The following AFF1 variants were observed in gnomAD, a reference collection of about 807,000 sequenced individuals.
AFF1 encodes ALF transcription elongation factor 1.
In AFF1, 48 loss-of-function variants were observed where a neutral mutation model predicts 121.7. That is an observed-to-expected ratio of 0.39 (90% CI 0.31 to 0.50). AFF1 has a LOEUF of 0.50. AFF1 is among the 20% of genes least tolerant of loss of function. AFF1 has a pLI of 0.76. For missense variants in AFF1, 1,523 were observed against 1,511.7 expected (o/e 1.01, Z -0.12); for synonymous variants, 613 against 563.0 (o/e 1.09, Z -1.26).
At chr4:87,040,564 CT>C (rs368321249) in intron 2 of AFF1, among the ~76,000 whole-genome samples, 7,134 of 142,272 alleles carry the variant, frequency 0.05, 500 homozygotes, top group African/African-American at 0.16. Context: ...TCCCCTCACC[CT>C]TTTTTTTTTT....
At chr4:86,997,642 G>A (rs369904908) in intron 2 of AFF1, among the ~76,000 whole-genome samples, 2 of 151,760 alleles carry the variant, frequency 1.3e-5, no homozygotes, top group Middle Eastern at 3.2e-3. Context: ...GGCGCCTGTA[G>A]TCCCAGCTAC....
At chr4:87,102,018 G>A (rs574775073) in intron 8 of AFF1, among the ~76,000 whole-genome samples, 9 of 152,354 alleles carry the variant, frequency 5.9e-5, no homozygotes, top group East Asian at 3.9e-4. Context: ...TCACTGCAGC[G>A]TGTCTGCCAG....
At chr4:87,022,624 ATATATATGTGCGTG>A (rs1415212377) in intron 2 of AFF1, among the ~76,000 whole-genome samples, 7 of 139,244 alleles carry the variant, frequency 5.0e-5, no homozygotes, top group African/African-American at 7.8e-5. Context: ...CTGTGTGTGT[ATATATATGTGCGTG>A]TATATATGTG....
chr4:87,089,844 T>A, intron 5 of AFF1, 140 bp from the exon 6 acceptor site: 1 of 640,164 alleles, frequency 1.6e-6, no homozygotes. Flanking sequence ...GAGTTGTTTT[T>A]TTTAAGTACA....
At chr4:87,059,481 C>T (rs1238923843) in intron 4 of AFF1, among the ~76,000 whole-genome samples, 2 of 152,200 alleles carry the variant, frequency 1.3e-5, no homozygotes, top group East Asian at 3.9e-4. Flanking sequence ...TTTTTACCGT[C>T]TTTCTTGAAC....
chr4:87,132,182 G>A (rs1313901712), intron 18 of AFF1, 89 bp from the exon 19 acceptor site: 13 of 1,473,916 alleles, frequency 8.8e-6, no homozygotes, highest in East Asian at 2.3e-5. Flanking sequence ...AGGCAAACCC[G>A]GTGTGTTCAT....
intron 4 of AFF1, among the ~76,000 whole-genome samples, chr4:87,075,362 A>G (rs989366855): frequency 2.0e-5 from 3 of 152,180 alleles, no homozygotes; most frequent in Non-Finnish European, 2.9e-5. Flanking sequence ...ATTCACTTAT[A>G]TGTACACATA....
chr4:87,034,829 A>T (rs562973924), intron 2 of AFF1, among the ~76,000 whole-genome samples: 1 of 151,804 alleles, frequency 6.6e-6, no homozygotes, highest in Non-Finnish European at 1.5e-5. Flanking sequence ...TTGTCGTTAG[A>T]TAATAAATAG....
chr4:86,968,264 T>G (rs1270814085), intron 2 of AFF1, among the ~76,000 whole-genome samples: 1 of 152,208 alleles, frequency 6.6e-6, no homozygotes, highest in Non-Finnish European at 1.5e-5. Context: ...TACAAGATTC[T>G]GTCATTGGAC....
chr4:86,977,201 A>G (rs890026103), intron 2 of AFF1, among the ~76,000 whole-genome samples: 2 of 152,138 alleles, frequency 1.3e-5, no homozygotes, highest in Non-Finnish European at 2.9e-5. Flanking sequence ...CCTATACACT[A>G]TATAGTATGT....
chr4:87,124,973 C>A (rs1728083590), intron 12 of AFF1, 64 bp from the exon 13 acceptor site: 1 of 1,375,186 alleles, frequency 7.3e-7, no homozygotes, highest in East Asian at 2.5e-5. Context: ...TCTATATTTT[C>A]TTTTCTGTTT....
chr4:86,973,348 G>A (rs1196241726), intron 2 of AFF1, among the ~76,000 whole-genome samples: 5 of 152,188 alleles, frequency 3.3e-5, no homozygotes, highest in Non-Finnish European at 7.3e-5. Flanking sequence ...CAGGATGAGG[G>A]TGAGGTTTCG....
chr4:86,935,953 G>C (rs1719946873), intron 1 of AFF1: 1 of 152,322 alleles, frequency 6.6e-6, no homozygotes, highest in South Asian at 2.1e-4. Context: ...CGAATGAGAG[G>C]GGAGAGAAGG....
intron 8 of AFF1, among the ~76,000 whole-genome samples, chr4:87,102,177 T>A (rs909844791): frequency 4.6e-5 from 7 of 152,262 alleles, no homozygotes; most frequent in Non-Finnish European, 1.0e-4. Context: ...AAAGAGTTGC[T>A]TTACCTGAGC....
At chr4:87,085,169 T>G (rs1391764865) in intron 5 of AFF1, among the ~76,000 whole-genome samples, 1 of 152,230 alleles carries the variant, frequency 6.6e-6, no homozygotes, top group African/African-American at 2.4e-5. Context: ...GACAGATTCC[T>G]TCTAGAACTT....
chr4:87,114,676 CCTGTCAAGGCCTCTGCCCGGGCAGGTT>C lies in AFF1; in HGVS notation c.1845_1871del (p.Val616_Ser624del), dbSNP rs773846526. On this transcript the variant is annotated inframe_deletion, in exon 12 of 21. Coordinates refer to ENST00000395146, the MANE Select transcript of AFF1 (RefSeq NM_001166693.3). ...CGTTGGAACCAAACAACCCAAAAAA[CCTGTCAAGGCCTCTGCCCGGGCAGGTT>C]CACGGACCAGCCTGCAGGGGGAAAG... is the stretch of plus-strand genomic sequence containing the variant. 2 of 1,579,792 alleles carry C rather than the reference CCTGTCAAGGCCTCTGCCCGGGCAGGTT, an allele frequency of 1.3e-6. No individual in the cohort carries two copies. The highest frequency in any genetic ancestry group is 1.7e-6 in the Non-Finnish European group (2 of 1,160,892).
chr4:87,033,686 T>A (rs1729281096), intron 2 of AFF1, among the ~76,000 whole-genome samples: 1 of 152,218 alleles, frequency 6.6e-6, no homozygotes, highest in African/African-American at 2.4e-5. Context: ...TTTCAGCAGT[T>A]TCTTCTTGAG....
intron 13 of AFF1, among the ~76,000 whole-genome samples, chr4:87,125,794 G>A (rs3775209): frequency 0.2 from 29,796 of 152,168 alleles, 3,247 homozygotes; most frequent in East Asian, 0.39. Flanking sequence ...GTGTCCACTC[G>A]TCTTCTTGTC....
At chr4:87,091,067 A>C (rs1173379709) in intron 6 of AFF1, among the ~76,000 whole-genome samples, 1 of 149,392 alleles carries the variant, frequency 6.7e-6, no homozygotes, top group Non-Finnish European at 1.5e-5. Context: ...AAAAACTCAA[A>C]TTTGCTACTT....
Sources: gnomAD v4.1 joint callset for allele counts (sites outside exome capture counted in the v4.1 genomes callset) on GRCh38, gnomAD v4.1.1 for gene constraint, MANE v1.5 for transcripts, NCBI Gene and HGNC (gene_info 2026-07-23, HGNC 2026-07-21) for gene names.